The following LRP1B variants were observed in gnomAD, a reference collection of about 807,000 sequenced individuals.
LRP1B encodes the protein LDL receptor related protein 1B, also known as low-density lipoprotein receptor-related protein 1B.
In LRP1B, 217 loss-of-function variants were observed where a neutral mutation model predicts 556.6. The observed-to-expected ratio is 0.39, with a 90% CI of 0.35 to 0.44. The LOEUF is 0.44. Among genes scored for constraint, LRP1B ranks in the 20% least tolerant of loss-of-function variants. LRP1B has a pLI of 1.00. For synonymous variants in LRP1B, 2,047 were observed against 1,865.8 expected (o/e 1.10, Z -2.50); for missense variants, 5,053 against 5,620.8 (o/e 0.90, Z 3.23).
intron 2 of LRP1B, among the ~76,000 whole-genome samples, chr2:141,562,783 A>G (rs1686207993): frequency 6.6e-6 from 1 of 152,056 alleles, no homozygotes; most frequent in African/African-American, 2.4e-5. Flanking sequence ...TACCTTGAAT[A>G]CAGGGCAAGG....
intron 1 of LRP1B, among the ~76,000 whole-genome samples, chr2:141,949,237 C>A (rs1293914440): frequency 6.6e-6 from 1 of 152,140 alleles, no homozygotes; most frequent in African/African-American, 2.4e-5. Context: ...GCTCTTCTAG[C>A]TCTTCCAGTC....
intron 43 of LRP1B, among the ~76,000 whole-genome samples, chr2:140,564,946 T>C (rs1382382154): frequency 2.0e-5 from 3 of 152,100 alleles, no homozygotes; most frequent in African/African-American, 7.2e-5. Context: ...TTGTATATTT[T>C]TTAAAGTGTG....
At chr2:141,337,988 C>A (rs1053488844) in intron 3 of LRP1B, among the ~76,000 whole-genome samples, 2 of 152,054 alleles carry the variant, frequency 1.3e-5, no homozygotes, top group African/African-American at 4.8e-5. Flanking sequence ...ATTTTAAGTT[C>A]TATGGAGGAT....
chr2:141,919,739 TC>T (rs1452599774), intron 1 of LRP1B, among the ~76,000 whole-genome samples: 4 of 152,014 alleles, frequency 2.6e-5, no homozygotes, highest in Non-Finnish European at 5.9e-5. Context: ...AGGTGACACA[TC>T]TTTGAGTTAG....
chr2:140,239,604 T>G, intron 87 of LRP1B, 72 bp from the exon 88 acceptor site: 5 of 909,072 alleles, frequency 5.5e-6, no homozygotes, highest in Non-Finnish European at 8.5e-6. Context: ...CTAAGTACTT[T>G]ATTATACCAA....
chr2:140,986,250 T>C (rs1334865572), intron 17 of LRP1B, among the ~76,000 whole-genome samples: 1 of 152,106 alleles, frequency 6.6e-6, no homozygotes, highest in African/African-American at 2.4e-5. Context: ...GATATATCTA[T>C]CCATTCTTCT....
chr2:141,005,722 C>T (rs1341818202), intron 14 of LRP1B, among the ~76,000 whole-genome samples: 1 of 151,910 alleles, frequency 6.6e-6, no homozygotes, highest in African/African-American at 2.4e-5. Context: ...AGAGAAAGAA[C>T]AGAATGGTAT....
chr2:140,688,726 A>G (rs1177488130), intron 41 of LRP1B, among the ~76,000 whole-genome samples: 1 of 152,202 alleles, frequency 6.6e-6, no homozygotes, highest in Non-Finnish European at 1.5e-5. Flanking sequence ...CTTATAAAAT[A>G]TCTTCACATA....
At chr2:140,314,902 A>G (rs777157449) in intron 83 of LRP1B, 33 bp downstream of exon 83, 1 of 1,515,236 alleles carries the variant, frequency 6.6e-7, no homozygotes, top group Non-Finnish European at 8.9e-7. Context: ...AAAGTGAAAA[A>G]GATGTGAAAT....
At chr2:140,632,003 A>C (rs1209364307) in intron 41 of LRP1B, among the ~76,000 whole-genome samples, 2 of 152,184 alleles carry the variant, frequency 1.3e-5, no homozygotes, top group African/African-American at 4.8e-5. Flanking sequence ...TGAAATATTT[A>C]ATGTGTTGAA....
At chr2:141,682,639 T>C (rs1467926890) in intron 2 of LRP1B, among the ~76,000 whole-genome samples, 2 of 152,170 alleles carry the variant, frequency 1.3e-5, no homozygotes, top group East Asian at 3.9e-4. Context: ...ACATGTGTAC[T>C]TTTAAAATGA....
intron 41 of LRP1B, among the ~76,000 whole-genome samples, chr2:140,631,047 C>G (rs544017452): frequency 2.3e-4 from 35 of 152,212 alleles, no homozygotes; most frequent in African/African-American, 7.9e-4. Flanking sequence ...AAGGCTCAGC[C>G]TCTCTTTGAA....
chr2:141,062,821 C>A (rs1242069629), intron 7 of LRP1B, among the ~76,000 whole-genome samples: 1 of 151,866 alleles, frequency 6.6e-6, no homozygotes, highest in South Asian at 2.1e-4. Flanking sequence ...ATAATCAATT[C>A]CCCACCAAAA....
At chr2:140,290,537 G>T (rs1390797389) in intron 84 of LRP1B, among the ~76,000 whole-genome samples, 1 of 151,984 alleles carries the variant, frequency 6.6e-6, no homozygotes, top group African/African-American at 2.4e-5. Flanking sequence ...GGAAGGGGTT[G>T]GTTCTTATGG....
chr2:141,245,365 C>G (rs569911410), intron 5 of LRP1B, among the ~76,000 whole-genome samples: 1 of 152,228 alleles, frequency 6.6e-6, no homozygotes, highest in Admixed American at 6.5e-5. Flanking sequence ...TCTGGGAAAT[C>G]ATTGAAATCA....
intron 2 of LRP1B, among the ~76,000 whole-genome samples, chr2:141,480,829 G>T (rs1366862099): frequency 2.0e-5 from 3 of 152,094 alleles, no homozygotes; most frequent in Admixed American, 6.5e-5. Flanking sequence ...TTGAGTCATT[G>T]TTTCATCTCA....
At chr2:141,194,337 G>A (rs1415912616) in intron 6 of LRP1B, among the ~76,000 whole-genome samples, 1 of 151,924 alleles carries the variant, frequency 6.6e-6, no homozygotes, top group Non-Finnish European at 1.5e-5. Context: ...ACCAGAAATG[G>A]CAAATTTAAA....
In LRP1B at chr2:140,487,598, C is replaced by G. The variant is rs1688521498; in HGVS notation, c.9243+19G>C. 1 of 1,591,882 alleles carries G rather than the reference C, an allele frequency of 6.3e-7. No homozygotes were observed. The highest frequency in any genetic ancestry group is 8.6e-7 in the Non-Finnish European group (1 of 1,162,684). ...CTGGTATAATATTCAACAATCCCAT[C>G]ATTGTAATATTTAGTTACCTTAATG... On this transcript the variant is annotated intron_variant, in intron 58 of 90. Coordinates refer to ENST00000389484, the MANE Select transcript of LRP1B (RefSeq NM_018557.3).
At chr2:141,938,145 A>G (rs1700692615) in intron 1 of LRP1B, among the ~76,000 whole-genome samples, 1 of 152,144 alleles carries the variant, frequency 6.6e-6, no homozygotes, top group African/African-American at 2.4e-5. Flanking sequence ...ACCGAAGGAA[A>G]CAATCAAGAA....
Sources: allele counts gnomAD v4.1 joint callset (sites outside exome capture counted in the v4.1 genomes callset), GRCh38; gene constraint gnomAD v4.1.1; transcripts MANE v1.5; gene names NCBI Gene and HGNC (gene_info 2026-07-23, HGNC 2026-07-21).